The following PSMD14 variants were observed in gnomAD, a reference collection of about 807,000 sequenced individuals.
PSMD14 encodes proteasome 26S subunit, non-ATPase 14, also known as ubiquitin C-terminal hydrolase PSMD14.
Under a neutral mutation model 41.2 loss-of-function variants are expected in PSMD14, and 7 were observed. That is an observed-to-expected ratio of 0.17 (90% CI 0.10 to 0.32). The LOEUF is 0.32. Among genes scored for constraint, PSMD14 ranks in the 10% least tolerant of loss-of-function variants. The probability of loss-of-function intolerance (pLI) is 1.00; values close to 1 mark genes in which losing one functional copy is unlikely to be tolerated. For missense variants in PSMD14, 139 were observed against 375.6 expected, an observed-to-expected ratio of 0.37 and a Z score of 5.21; for synonymous variants, 114 against 122.3, an observed-to-expected ratio of 0.93 and a Z score of 0.45.
At chr2:161,366,538 A>G (rs1321056494) in intron 3 of PSMD14, among the ~76,000 whole-genome samples, 15 of 152,138 alleles carry the variant, frequency 9.9e-5, no homozygotes, top group Admixed American at 9.2e-4. Context: ...ATAAGGTAAC[A>G]TGTTGTTTAC....
chr2:161,369,136 G>C (rs893848483), intron 5 of PSMD14, among the ~76,000 whole-genome samples: 2 of 151,484 alleles, frequency 1.3e-5, no homozygotes, highest in Non-Finnish European at 3.0e-5. Context: ...ATATGTTATG[G>C]GTACTTATGT....
chr2:161,348,531 A>C (rs914851271), intron 3 of PSMD14, among the ~76,000 whole-genome samples: 14 of 152,342 alleles, frequency 9.2e-5, no homozygotes, highest in Non-Finnish European at 1.5e-5. Context: ...TAATAGTGGA[A>C]GTTTGTAAAG....
At chr2:161,367,681 A>G (rs1221685024) in intron 4 of PSMD14, 103 bp from the exon 5 acceptor site, 4 of 783,922 alleles carry the variant, frequency 5.1e-6, no homozygotes, top group African/African-American at 4.6e-5. Context: ...TTATAAAAGG[A>G]GTTTTTATTT....
chr2:161,378,409 A>C (rs1439145547), intron 7 of PSMD14, among the ~76,000 whole-genome samples: 1 of 152,018 alleles, frequency 6.6e-6, no homozygotes, highest in Non-Finnish European at 1.5e-5. Context: ...GATTTTGTTT[A>C]TAGATAATGG....
chr2:161,385,432 A>T (rs1052863524), intron 7 of PSMD14, 32 bp from the exon 8 acceptor site: 2 of 1,447,388 alleles, frequency 1.4e-6, no homozygotes, highest in Admixed American at 1.8e-5. Flanking sequence ...TGCTTTTTAA[A>T]AAAAAATTGA....
intron 9 of PSMD14, among the ~76,000 whole-genome samples, chr2:161,393,955 G>A (rs973359615): frequency 2.7e-5 from 4 of 148,104 alleles, no homozygotes; most frequent in African/African-American, 1.0e-4. Flanking sequence ...TTGCTGGTGT[G>A]ATTGCACACT....
chr2:161,383,414 C>T (rs1482441465), intron 7 of PSMD14: 11 of 151,874 alleles, frequency 7.2e-5, no homozygotes, highest in African/African-American at 2.7e-4. Flanking sequence ...TTATTAAGTT[C>T]TTGAATTTTT....
At chr2:161,376,322 G>GA (rs1345677898) in intron 7 of PSMD14, among the ~76,000 whole-genome samples, 5 of 151,558 alleles carry the variant, frequency 3.3e-5, no homozygotes, top group Middle Eastern at 3.4e-3. Context: ...ACTATCATGA[G>GA]GTAATATATG....
chr2:161,410,717 A>C (rs1230198439), intron 11 of PSMD14, among the ~76,000 whole-genome samples: 2 of 152,102 alleles, frequency 1.3e-5, no homozygotes, highest in African/African-American at 2.4e-5. Context: ...TTTAGAATTG[A>C]TCCAAATTGT....
At chr2:161,359,458 TC>T (rs1183282396) in intron 3 of PSMD14, among the ~76,000 whole-genome samples, 1 of 152,162 alleles carries the variant, frequency 6.6e-6, no homozygotes, top group Admixed American at 6.5e-5. Context: ...AACTTAGATT[TC>T]CCACAGCTTT....
intron 3 of PSMD14, among the ~76,000 whole-genome samples, chr2:161,362,752 G>A (rs1188197362): frequency 6.6e-6 from 1 of 152,026 alleles, no homozygotes; most frequent in Non-Finnish European, 1.5e-5. Context: ...AGGCTGTTTG[G>A]TTTCTCTACT....
At chr2:161,348,541 G>C (rs549004004) in intron 3 of PSMD14, among the ~76,000 whole-genome samples, 1 of 152,278 alleles carries the variant, frequency 6.6e-6, no homozygotes, top group Non-Finnish European at 1.5e-5. Flanking sequence ...AGTTTGTAAA[G>C]TATTGAAAAA....
chr2:161,359,584 A>G (rs1019792565), intron 3 of PSMD14, among the ~76,000 whole-genome samples: 7 of 152,112 alleles, frequency 4.6e-5, no homozygotes, highest in African/African-American at 7.2e-5. Flanking sequence ...TTTGCTCTCT[A>G]TAGCCCACTG....
intron 10 of PSMD14, among the ~76,000 whole-genome samples, chr2:161,406,157 G>GA (rs1683944763): frequency 6.6e-6 from 1 of 152,038 alleles, no homozygotes; most frequent in Non-Finnish European, 1.5e-5. Context: ...ACCATTAGCA[G>GA]AAAAAAGAGA....
intron 7 of PSMD14, among the ~76,000 whole-genome samples, chr2:161,374,512 A>G (rs1683479057): frequency 6.6e-6 from 1 of 152,018 alleles, no homozygotes; most frequent in African/African-American, 2.4e-5. Flanking sequence ...GGTGAAAATC[A>G]ATGGTAATTG....
At chr2:161,343,457 A>G (rs890900049) in intron 3 of PSMD14, among the ~76,000 whole-genome samples, 2 of 152,158 alleles carry the variant, frequency 1.3e-5, no homozygotes, top group African/African-American at 4.8e-5. Flanking sequence ...TTGTCCATTC[A>G]TCTATTGATG....
intron 9 of PSMD14, among the ~76,000 whole-genome samples, chr2:161,393,578 G>A (rs904412011): frequency 6.6e-6 from 1 of 152,088 alleles, no homozygotes; most frequent in Non-Finnish European, 1.5e-5. Context: ...AAGCAAGTAG[G>A]ATAATTTTTC....
intron 8 of PSMD14, among the ~76,000 whole-genome samples, chr2:161,389,889 G>GTTGTTGTTTTTTTT: frequency 5.5e-4 from 11 of 20,050 alleles, no homozygotes; most frequent in South Asian, 2.6e-3. Flanking sequence ...CTTTTTTGTT[G>GTTGTTGTTTTTTTT]TTTTTTTTTT....
intron 1 of PSMD14, among the ~76,000 whole-genome samples, chr2:161,311,807 G>A (rs1306668791): frequency 2.0e-5 from 3 of 151,690 alleles, no homozygotes; most frequent in African/African-American, 4.8e-5. Context: ...TAGAGACCAG[G>A]TTTCGCCATG....
Sources: allele counts gnomAD v4.1 joint callset (sites outside exome capture counted in the v4.1 genomes callset), GRCh38; gene constraint gnomAD v4.1.1; transcripts MANE v1.5; gene names NCBI Gene and HGNC (gene_info 2026-07-23, HGNC 2026-07-21).